Variants in GRM7 observed in about 807,000 individuals in gnomAD.
GRM7 encodes metabotropic glutamate receptor 7.
A neutral mutation model predicts 84.5 loss-of-function variants in GRM7; 35 were observed. That is an observed-to-expected ratio of 0.41 (90% CI 0.32 to 0.55). The LOEUF is 0.55. Ranked by LOEUF, GRM7 falls within the 20% of genes least tolerant of loss-of-function variation. The probability of loss-of-function intolerance (pLI) is 0.19; values close to 1 mark genes in which losing one functional copy is unlikely to be tolerated. For missense variants in GRM7, 1,003 were observed against 1,194.6 expected (o/e 0.84, Z 2.36); for synonymous variants, 487 against 455.1 (o/e 1.07, Z -0.89).
At chr3:7,471,931 T>C (rs1047796126) in intron 7 of GRM7, among the ~76,000 whole-genome samples, 1 of 152,194 alleles carries the variant, frequency 6.6e-6, no homozygotes, top group Non-Finnish European at 1.5e-5. Flanking sequence ...CATGGTGCAA[T>C]TTAATTCCCA....
At chr3:7,243,211 T>C (rs1697626469) in intron 2 of GRM7, among the ~76,000 whole-genome samples, 3 of 152,082 alleles carry the variant, frequency 2.0e-5, no homozygotes, top group Non-Finnish European at 4.4e-5. Flanking sequence ...AATATACCAT[T>C]TGCAAAGCTC....
At chr3:7,259,117 T>A (rs926286233) in intron 2 of GRM7, among the ~76,000 whole-genome samples, 8 of 152,190 alleles carry the variant, frequency 5.3e-5, no homozygotes, top group Non-Finnish European at 1.0e-4. Context: ...ATTTGGAATC[T>A]CTTTTCTATC....
chr3:7,536,004 G>C (rs1247273058), intron 7 of GRM7, among the ~76,000 whole-genome samples: 1 of 152,166 alleles, frequency 6.6e-6, no homozygotes, highest in East Asian at 1.9e-4. Context: ...GATGTTTCAG[G>C]AGAGAAACTG....
intron 9 of GRM7, among the ~76,000 whole-genome samples, chr3:7,729,914 G>A (rs1249632136): frequency 1.6e-4 from 19 of 119,822 alleles, no homozygotes; most frequent in South Asian, 1.4e-3. Flanking sequence ...TTGCTCTGTC[G>A]CCCAGGCTGG....
intron 1 of GRM7, among the ~76,000 whole-genome samples, chr3:7,104,113 G>A (rs1274612009): frequency 1.3e-5 from 2 of 150,850 alleles, no homozygotes; most frequent in Non-Finnish European, 3.0e-5. Context: ...TGGGATTAGT[G>A]CCCTTATAAG....
At chr3:7,031,815 A>C (rs1473367982) in intron 1 of GRM7, among the ~76,000 whole-genome samples, 1 of 152,012 alleles carries the variant, frequency 6.6e-6, no homozygotes, top group Non-Finnish European at 1.5e-5. Flanking sequence ...TTTTATCCCC[A>C]CTGTGTAGCA....
intron 5 of GRM7, among the ~76,000 whole-genome samples, chr3:7,433,308 C>T (rs192493195): frequency 4.6e-5 from 7 of 152,294 alleles, no homozygotes; most frequent in Admixed American, 6.5e-5. Flanking sequence ...TAGTGATGCA[C>T]GTGTTTACAC....
intron 9 of GRM7, among the ~76,000 whole-genome samples, chr3:7,708,463 C>T (rs1236100182): frequency 1.3e-5 from 2 of 152,122 alleles, no homozygotes; most frequent in Non-Finnish European, 2.9e-5. Flanking sequence ...GAGGAGGCTT[C>T]CTGAGAGAGG....
At chr3:7,591,489 A>G (rs1387692954) in intron 8 of GRM7, 1 of 445,946 alleles carries the variant, frequency 2.2e-6, no homozygotes, top group Non-Finnish European at 4.5e-6. Context: ...AAAAGCTTTT[A>G]GAATATGAAT....
intron 8 of GRM7, among the ~76,000 whole-genome samples, chr3:7,650,160 G>A (rs1359364262): frequency 3.9e-5 from 6 of 152,164 alleles, no homozygotes; most frequent in Admixed American, 2.0e-4. Context: ...ATGTTTCGAG[G>A]TTAATGCTAT....
intron 4 of GRM7, among the ~76,000 whole-genome samples, chr3:7,389,606 T>TTG (rs1443368151): frequency 6.6e-6 from 1 of 152,134 alleles, no homozygotes; most frequent in Non-Finnish European, 1.5e-5. Flanking sequence ...GAGTTTATTA[T>TTG]AATACCCTTC....
intron 1 of GRM7, among the ~76,000 whole-genome samples, chr3:6,876,810 C>A (rs912993665): frequency 1.3e-5 from 2 of 151,950 alleles, no homozygotes; most frequent in African/African-American, 4.8e-5. Context: ...CTATATTGGC[C>A]AGGCTGGTCT....
intron 2 of GRM7, among the ~76,000 whole-genome samples, chr3:7,180,281 G>T (rs1238523746): frequency 6.6e-6 from 1 of 152,172 alleles, no homozygotes; most frequent in Non-Finnish European, 1.5e-5. Context: ...GGCCAGGATT[G>T]ATATTAATAG....
At chr3:7,201,911 T>A (rs1696081224) in intron 2 of GRM7, among the ~76,000 whole-genome samples, 1 of 152,224 alleles carries the variant, frequency 6.6e-6, no homozygotes, top group Non-Finnish European at 1.5e-5. Context: ...AGGGAATGTT[T>A]CGGAACAAGA....
intron 7 of GRM7, among the ~76,000 whole-genome samples, chr3:7,521,493 A>C (rs1700591514): frequency 2.0e-5 from 3 of 152,148 alleles, no homozygotes; most frequent in African/African-American, 7.2e-5. Context: ...TCACAGAGAG[A>C]AGGCAACATC....
intron 9 of GRM7, among the ~76,000 whole-genome samples, chr3:7,731,613 G>A (rs1451307516): frequency 6.6e-6 from 1 of 152,196 alleles, no homozygotes; most frequent in African/African-American, 2.4e-5. Context: ...GAGGCCACCA[G>A]GCTAGGAGGA....
intron 1 of GRM7, among the ~76,000 whole-genome samples, chr3:6,881,921 T>TTGTGTGTGTGTG (rs3060190): frequency 0.013 from 1,843 of 144,676 alleles, 47 homozygotes; most frequent in African/African-American, 0.043. Context: ...GGCAATTGAA[T>TTGTGTGTGTGTG]TGTGTGTGTG....
At chr3:7,177,889 A>T (rs964538003) in intron 2 of GRM7, among the ~76,000 whole-genome samples, 1 of 152,212 alleles carries the variant, frequency 6.6e-6, no homozygotes, top group African/African-American at 2.4e-5. Context: ...ATAAATTTTT[A>T]AAATTTCAAT....
chr3:7,554,750 C>A (rs1215860812), intron 7 of GRM7, among the ~76,000 whole-genome samples: 1 of 152,176 alleles, frequency 6.6e-6, no homozygotes, highest in African/African-American at 2.4e-5. Context: ...AGGGCCTCCT[C>A]CCTTCTCTAT....
Sources: gnomAD v4.1 joint callset for allele counts (sites outside exome capture counted in the v4.1 genomes callset) on GRCh38, gnomAD v4.1.1 for gene constraint, MANE v1.5 for transcripts, NCBI Gene and HGNC (gene_info 2026-07-23, HGNC 2026-07-21) for gene names.